Variants in CIP2A observed in about 807,000 individuals in gnomAD.
The protein encoded by CIP2A is protein CIP2A.
Under a neutral mutation model 110.9 loss-of-function variants are expected in CIP2A, and 103 were observed. The observed-to-expected ratio is 0.93, with a 90% CI of 0.79 to 1.09. CIP2A has a LOEUF of 1.09. Ranked by LOEUF, CIP2A falls within the 50% of genes least tolerant of loss-of-function variation. The pLI, the probability that CIP2A is intolerant of heterozygous loss-of-function variation, is 0.00. For missense variants in CIP2A, 1,088 were observed against 1,038.4 expected (o/e 1.05, Z -0.66); for synonymous variants, 381 against 361.6 (o/e 1.05, Z -0.61).
chr3:108,581,143 T>C (rs1938862610), intron 5 of CIP2A, among the ~76,000 whole-genome samples: 1 of 152,198 alleles, frequency 6.6e-6, no homozygotes, highest in East Asian at 1.9e-4. Flanking sequence ...TACTACTCAA[T>C]GTAATAAATA....
Position 108,568,112 on chromosome 3 carries a change from T to C in CIP2A, c.1273+43A>G. On this transcript the variant is annotated intron_variant, in intron 10 of 20. Transcript: ENST00000295746. ...GAATGCAATACTAGAAAAAAAAGAA[T>C]GGTTAGTTATACAGTTTTCACGTTA... is the stretch of plus-strand genomic sequence containing the variant. The C allele has an allele frequency of 4.8e-6, 7 of 1,450,068 alleles. 1 individual carries two copies. Among genetic ancestry groups the C allele is most frequent in the Non-Finnish European group, 6.6e-6 (7 of 1,062,544 alleles). 89.8% of individuals were successfully genotyped at this position (1,450,068 alleles called of 1,614,324 possible).
At chr3:108,559,472 G>T (rs1022981617) in intron 16 of CIP2A, among the ~76,000 whole-genome samples, 1 of 151,878 alleles carries the variant, frequency 6.6e-6, no homozygotes, top group African/African-American at 2.4e-5. Context: ...TGAAACCACA[G>T]AACACATAAC....
chr3:108,565,555 T>C (rs1327704687), intron 11 of CIP2A, 101 bp from the exon 12 acceptor site: 1 of 607,816 alleles, frequency 1.6e-6, no homozygotes, highest in Non-Finnish European at 2.9e-6. Context: ...AACACTTGTG[T>C]TTTTTAAATT....
chr3:108,563,166 AT>A lies in CIP2A; in HGVS notation c.1593del (p.Leu532TyrfsTer13). ...NREQVQSGLR[I>X]LLEAAPLPDF... ...TCTGGCAGTGGAGCAGCCTCCAATA[AT>A]ATTCTCAGTCCAGACTGTACTTGTT... On this transcript the variant is annotated frameshift_variant, in exon 13 of 21. Coordinates refer to ENST00000295746, the MANE Select transcript of CIP2A (RefSeq NM_020890.3). LOFTEE classifies it high-confidence loss of function. 6.2e-7 allele frequency: 1 copy of A among 1,612,802 alleles called. No individual in the cohort carries two copies. The highest frequency in any genetic ancestry group is 8.5e-7 in the Non-Finnish European group (1 of 1,179,048).
chr3:108,565,116 C>T (rs2107328795), intron 12 of CIP2A, among the ~76,000 whole-genome samples: 1 of 151,916 alleles, frequency 6.6e-6, no homozygotes, highest in East Asian at 1.9e-4. Context: ...GGAAGCAGCA[C>T]TATTGTGAAC....
At chr3:108,557,139 G>C in intron 17 of CIP2A, 79 bp downstream of exon 17, 1 of 873,300 alleles carries the variant, frequency 1.1e-6, no homozygotes, top group Non-Finnish European at 1.7e-6. Flanking sequence ...CTTACAAAAG[G>C]ATTTTCGGGT....
At chr3:108,573,319 G>A (rs975808058) in intron 8 of CIP2A, among the ~76,000 whole-genome samples, 4 of 151,576 alleles carry the variant, frequency 2.6e-5, no homozygotes, top group Non-Finnish European at 5.9e-5. Flanking sequence ...GACACTATAC[G>A]CTATTACATA....
intron 20 of CIP2A, 42 bp downstream of exon 20, chr3:108,552,191 CT>C: frequency 6.6e-7 from 1 of 1,504,288 alleles, no homozygotes; most frequent in African/African-American, 1.4e-5. Context: ...TCACAACAGA[CT>C]TTTTTATTTT....
At chr3:108,582,011 T>C (rs1938898527) in intron 4 of CIP2A, 97 bp downstream of exon 4, 1 of 577,552 alleles carries the variant, frequency 1.7e-6, no homozygotes, top group Non-Finnish European at 3.1e-6. Context: ...GTTTATATGT[T>C]AGAAAATGTT....
At position 108,550,424 on chromosome 3, in the gene CIP2A, C is replaced by T. The variant is rs1392798983; in HGVS notation, c.*725G>A. 6.6e-6 allele frequency: 1 copy of T among 151,240 alleles called. No individual in the cohort carries two copies. The highest frequency in any genetic ancestry group is 2.4e-5 in the African/African-American group (1 of 41,350). 9.4% of individuals were successfully genotyped at this position (151,240 alleles called of 1,614,324 possible). ...ATAGATGATCTGGACCACTATGCAA[C>T]ATTTGAAAAAAGAGAAAAAAACACT... On this transcript the variant is annotated 3_prime_UTR_variant, in exon 21 of 21. Coordinates refer to ENST00000295746, the MANE Select transcript of CIP2A (RefSeq NM_020890.3).
chr3:108,570,455 G>A (rs1449538228), intron 8 of CIP2A, among the ~76,000 whole-genome samples: 2 of 152,052 alleles, frequency 1.3e-5, no homozygotes, highest in South Asian at 2.1e-4. Context: ...CATTAATTCC[G>A]TTGTGTGAAC....
chr3:108,559,846 C>A lies in CIP2A; in HGVS notation c.1924G>T (p.Asp642Tyr). ...GCTAGAGCTTTTGTTTCCAAAAGAT[C>A]TTGTAGCCTGCTTTCTTTGGACTAC... ...TLASKESRLQ[D>Y]LLETKALALA... The change falls in exon 16 of 21, where the codon GAT becomes TAT. Residue 642 changes from aspartate (D) to tyrosine (Y), a missense_variant. Physicochemically the swap from Asp to Tyr is radical, Grantham distance 160. Coordinates refer to ENST00000295746, the MANE Select transcript of CIP2A (RefSeq NM_020890.3). 1 of 1,607,584 alleles carries A rather than the reference C, an allele frequency of 6.2e-7. No homozygotes were observed. Among genetic ancestry groups the A allele is most frequent in the Non-Finnish European group, 8.5e-7 (1 of 1,175,414 alleles).
intron 1 of CIP2A, among the ~76,000 whole-genome samples, chr3:108,586,027 G>T (rs1450473445): frequency 1.3e-5 from 2 of 152,088 alleles, no homozygotes; most frequent in African/African-American, 4.8e-5. Flanking sequence ...TTATTACAAA[G>T]CATATCTTTT....
chr3:108,553,283 C>T (rs1316150137), intron 19 of CIP2A, among the ~76,000 whole-genome samples: 2 of 151,704 alleles, frequency 1.3e-5, no homozygotes, highest in African/African-American at 2.4e-5. Flanking sequence ...CACACTAACA[C>T]ACCTGGCTAA....
rs1488123013 is a variant in CIP2A, at chr3:108,589,348, A to C, written c.28T>G (p.Leu10Val). Residue 10 changes from leucine to valine, a missense_variant, in exon 1 of 21, where the codon TTG becomes GTG. Leu to Val is a conservative substitution (Grantham distance 32, BLOSUM62 1). Transcript: ENST00000295746. The stretch of plus-strand genomic sequence containing the variant: ...TTGTACTGACTGACAGTCAGGAGCA[A>C]GGACTTCAAGCAGGCAGTGGAGTCC... MDSTACLKS[L>V]LLTVSQYKAV... 6.2e-7 allele frequency: 1 copy of C among 1,613,880 alleles called. No individual in the cohort carries two copies. Among genetic ancestry groups the C allele is most frequent in the Non-Finnish European group, 8.5e-7 (1 of 1,179,878 alleles).
chr3:108,554,577 C>T, intron 17 of CIP2A, 88 bp from the exon 18 acceptor site: 1 of 612,520 alleles, frequency 1.6e-6, no homozygotes, highest in Non-Finnish European at 2.9e-6. Context: ...TTTACTATCT[C>T]TTCTAACCAA....
intron 16 of CIP2A, among the ~76,000 whole-genome samples, 162 bp from the exon 17 acceptor site, chr3:108,557,576 G>A (rs900552407): frequency 6.6e-6 from 1 of 152,056 alleles, no homozygotes; most frequent in Non-Finnish European, 1.5e-5. Context: ...CTTCTAATAA[G>A]TTGGATACTG....
In CIP2A at chr3:108,568,880, T is replaced by G. The variant is rs147954176; in HGVS notation, c.1113+509A>C. On this transcript the variant is annotated intron_variant, in intron 9 of 20. Transcript: ENST00000295746. The stretch of plus-strand genomic sequence containing the variant: ...TCAGGAGATATTGGGTTAGACAGAA[T>G]GGATTTATAAACAGGGAGAATAGTA... Among the ~76,000 whole-genome samples the G allele has an allele frequency of 1.4e-3, 212 of 151,932 alleles. 1 individual carries two copies. Among genetic ancestry groups the G allele is most frequent in the African/African-American group, 4.6e-3 (192 of 41,494 alleles).
chr3:108,555,358 G>A (rs570789575), intron 17 of CIP2A, among the ~76,000 whole-genome samples: 2 of 152,290 alleles, frequency 1.3e-5, no homozygotes, highest in Admixed American at 1.3e-4. Flanking sequence ...CAGGGACCTA[G>A]ATAGCCCTAG....
Sources: gnomAD v4.1 joint callset for allele counts (sites outside exome capture counted in the v4.1 genomes callset) on GRCh38, gnomAD v4.1.1 for gene constraint, MANE v1.5 for transcripts, NCBI Gene and HGNC (gene_info 2026-07-23, HGNC 2026-07-21) for gene names.